FBXL17: variants seen among roughly 807,000 people sequenced by gnomAD.
FBXL17 encodes F-box and leucine rich repeat protein 17.
A neutral mutation model predicts 66.2 loss-of-function variants in FBXL17; 22 were observed. The observed-to-expected ratio is 0.33, with a 90% CI of 0.24 to 0.47. The LOEUF is 0.47. Ranked by LOEUF, FBXL17 falls within the 20% of genes least tolerant of loss-of-function variation. FBXL17 has a pLI of 1.00. For synonymous variants in FBXL17, 474 were observed against 400.5 expected (o/e 1.18, Z -2.19); for missense variants, 878 against 948.2 (o/e 0.93, Z 0.97).
chr5:108,103,729 G>A (rs534736486), intron 6 of FBXL17, among the ~76,000 whole-genome samples: 160 of 152,198 alleles, frequency 1.1e-3, no homozygotes, highest in South Asian at 3.1e-3. Context: ...TTTCCTTGAT[G>A]GAATAGGTAT....
chr5:108,241,629 A>G (rs949221374), intron 4 of FBXL17, among the ~76,000 whole-genome samples: 2 of 152,196 alleles, frequency 1.3e-5, no homozygotes, highest in South Asian at 2.1e-4. Context: ...ACAATATTCA[A>G]GCACAAAAAG....
intron 6 of FBXL17, among the ~76,000 whole-genome samples, chr5:108,143,679 AG>A (rs1751447331): frequency 6.9e-6 from 1 of 144,926 alleles, no homozygotes; most frequent in African/African-American, 2.6e-5. Context: ...GCTGAGGTAA[AG>A]GTGCTTCTAT....
At chr5:108,063,095 T>C (rs1321536019) in intron 6 of FBXL17, among the ~76,000 whole-genome samples, 1 of 152,194 alleles carries the variant, frequency 6.6e-6, no homozygotes, top group African/African-American at 2.4e-5. Context: ...TGTCAAGAAG[T>C]AGTTTATACC....
In FBXL17 at chr5:108,262,170, G is replaced by A. The variant is rs753148717; in HGVS notation, c.1507-37942C>T. 6.2e-4 allele frequency among the ~76,000 whole-genome samples: 94 copies of A among 150,448 alleles called. 1 individual carries two copies. Among genetic ancestry groups the A allele is most frequent in the South Asian group, 1.3e-3 (6 of 4,786 alleles). ...TGGCTCACTGCAAGCTCCGCCTCCC[G>A]GGTTCACGCCATTCTCCTGCCTCGG... On this transcript the variant is annotated intron_variant, in intron 4 of 8. Coordinates refer to ENST00000542267, the MANE Select transcript of FBXL17 (RefSeq NM_001163315.3).
intron 7 of FBXL17, among the ~76,000 whole-genome samples, chr5:108,016,791 T>C (rs1369602040): frequency 6.6e-6 from 1 of 151,810 alleles, no homozygotes; most frequent in Non-Finnish European, 1.5e-5. Flanking sequence ...TCTTTCTTTT[T>C]TTTTTGAGAC....
chr5:107,941,591 G>A (rs916604647), intron 7 of FBXL17, among the ~76,000 whole-genome samples: 1 of 152,142 alleles, frequency 6.6e-6, no homozygotes. Context: ...GCTTGGGAAC[G>A]TTAAATAGGT....
chr5:108,132,631 C>G (rs1750979746), intron 6 of FBXL17, among the ~76,000 whole-genome samples: 1 of 151,930 alleles, frequency 6.6e-6, no homozygotes, highest in South Asian at 2.1e-4. Flanking sequence ...ATTTGATTAG[C>G]AAGTACAAAA....
At chr5:108,285,857 A>T (rs1757879186) in intron 4 of FBXL17, among the ~76,000 whole-genome samples, 2 of 151,896 alleles carry the variant, frequency 1.3e-5, no homozygotes, top group African/African-American at 4.8e-5. Context: ...ACTTCAGGCC[A>T]ATATCGTTGA....
intron 4 of FBXL17, among the ~76,000 whole-genome samples, chr5:108,241,148 A>T (rs1298663618): frequency 6.6e-6 from 1 of 152,200 alleles, no homozygotes; most frequent in Admixed American, 6.5e-5. Flanking sequence ...TTACCAAACA[A>T]ACTAAATAAG....
At chr5:107,989,918 T>C (rs892067946) in intron 7 of FBXL17, among the ~76,000 whole-genome samples, 4 of 152,190 alleles carry the variant, frequency 2.6e-5, no homozygotes, top group African/African-American at 9.6e-5. Flanking sequence ...GACTTCTACA[T>C]GAAAAGGACC....
intron 4 of FBXL17, among the ~76,000 whole-genome samples, chr5:108,327,440 T>C: frequency 6.6e-6 from 1 of 152,218 alleles, no homozygotes. Flanking sequence ...ATGTAGTTCA[T>C]ATTTAATGAT....
At chr5:108,169,899 C>T (rs1752543802) in intron 6 of FBXL17, among the ~76,000 whole-genome samples, 1 of 152,026 alleles carries the variant, frequency 6.6e-6, no homozygotes, top group Non-Finnish European at 1.5e-5. Flanking sequence ...TTTAGAAGCC[C>T]AAGATTGTGG....
chr5:108,202,949 C>G (rs552807971), intron 5 of FBXL17, among the ~76,000 whole-genome samples: 1 of 151,884 alleles, frequency 6.6e-6, no homozygotes, highest in South Asian at 2.1e-4. Context: ...AATTAAGCAA[C>G]CTTTAATGGG....
intron 6 of FBXL17, among the ~76,000 whole-genome samples, chr5:108,123,646 AT>A (rs1580473972): frequency 6.6e-6 from 1 of 152,150 alleles, no homozygotes; most frequent in Admixed American, 6.5e-5. Flanking sequence ...GTTTCATCTC[AT>A]TTCAGCATAC....
intron 6 of FBXL17, among the ~76,000 whole-genome samples, chr5:108,037,318 A>T (rs1339742297): frequency 6.6e-6 from 1 of 152,194 alleles, no homozygotes; most frequent in East Asian, 1.9e-4. Flanking sequence ...AAGGGAGGTA[A>T]ATTTACTTTC....
intron 7 of FBXL17, among the ~76,000 whole-genome samples, chr5:107,970,447 C>T (rs555394358): frequency 9.8e-5 from 15 of 152,318 alleles, no homozygotes; most frequent in African/African-American, 3.6e-4. Context: ...TACCCAACCC[C>T]ACAGCTGCTA....
intron 5 of FBXL17, among the ~76,000 whole-genome samples, chr5:108,201,366 C>T (rs1753886966): frequency 6.6e-6 from 1 of 152,094 alleles, no homozygotes; most frequent in Admixed American, 6.6e-5. Flanking sequence ...TGTATAGACA[C>T]AGGTACTTCC....
intron 6 of FBXL17, among the ~76,000 whole-genome samples, chr5:108,109,000 C>T (rs1749925466): frequency 6.6e-6 from 1 of 152,032 alleles, no homozygotes; most frequent in Non-Finnish European, 1.5e-5. Flanking sequence ...TCAGGCTGGT[C>T]TCGAACTCCT....
chr5:108,154,286 T>C (rs1396456176), intron 6 of FBXL17, among the ~76,000 whole-genome samples: 1 of 59,350 alleles, frequency 1.7e-5, no homozygotes, highest in Non-Finnish European at 3.2e-5. Flanking sequence ...GGATCACAGC[T>C]GAAAAAAAAA....
Sources: allele counts gnomAD v4.1 joint callset (sites outside exome capture counted in the v4.1 genomes callset), GRCh38; gene constraint gnomAD v4.1.1; transcripts MANE v1.5; gene names NCBI Gene and HGNC (gene_info 2026-07-23, HGNC 2026-07-21).